Variants in NTRK3 observed in about 807,000 individuals in gnomAD.
The protein encoded by NTRK3 is neurotrophic receptor tyrosine kinase 3.
Under a neutral mutation model 91.7 loss-of-function variants are expected in NTRK3, and 24 were observed. The observed-to-expected ratio is 0.26, with a 90% CI of 0.19 to 0.37. The LOEUF (loss-of-function observed/expected upper bound fraction) is 0.37, where lower values mean the gene tolerates loss of function less well. Among genes scored for constraint, NTRK3 ranks in the 10% least tolerant of loss-of-function variants. The pLI is 1.00. For missense variants in NTRK3, 880 were observed against 1,068.9 expected (o/e 0.82, Z 2.46); for synonymous variants, 483 against 404.0 (o/e 1.20, Z -2.34).
intron 17 of NTRK3, among the ~76,000 whole-genome samples, chr15:87,917,394 T>C (rs1167957987): frequency 1.3e-5 from 2 of 152,228 alleles, no homozygotes; most frequent in Non-Finnish European, 2.9e-5. Context: ...GATGCTATTC[T>C]GCCTGGTCCC....
exon 15 of NTRK3, chr15:87,940,640 T>A (rs2142017557): frequency 6.2e-7 from 1 of 1,613,982 alleles, no homozygotes; most frequent in Non-Finnish European, 8.5e-7. Flanking sequence ...GCCACAAGCA[T>A]CTTGTCCTTG....
intron 14 of NTRK3, among the ~76,000 whole-genome samples, chr15:88,029,410 G>A (rs750232965): frequency 2.9e-4 from 44 of 152,182 alleles, no homozygotes; most frequent in Non-Finnish European, 5.6e-4. Context: ...TAGAAAGTGA[G>A]AAGCAAGGAG....
chr15:88,139,842 G>A (rs1283909663), intron 6 of NTRK3, among the ~76,000 whole-genome samples: 1 of 147,712 alleles, frequency 6.8e-6, no homozygotes, highest in African/African-American at 2.5e-5. Flanking sequence ...GCATTGCTGG[G>A]TGCAAGAGAG....
chr15:88,131,289 G>T (rs924994203), intron 10 of NTRK3, among the ~76,000 whole-genome samples: 1 of 152,140 alleles, frequency 6.6e-6, no homozygotes, highest in Non-Finnish European at 1.5e-5. Flanking sequence ...CACTCATTGC[G>T]GGCCCTCACA....
intron 3 of NTRK3, among the ~76,000 whole-genome samples, chr15:88,232,071 T>C (rs909845993): frequency 3.9e-5 from 6 of 152,176 alleles, no homozygotes; most frequent in East Asian, 1.9e-4. Context: ...TGGCCGCTCA[T>C]GGCCCCTCCA....
At chr15:88,067,511 G>A (rs564341801) in intron 13 of NTRK3, among the ~76,000 whole-genome samples, 25 of 152,158 alleles carry the variant, frequency 1.6e-4, no homozygotes, top group Non-Finnish European at 3.2e-4. Context: ...GCAGTTAAAA[G>A]CACGATGTGA....
chr15:88,061,397 G>A (rs2046201600), intron 13 of NTRK3, among the ~76,000 whole-genome samples: 1 of 152,242 alleles, frequency 6.6e-6, no homozygotes, highest in African/African-American at 2.4e-5. Flanking sequence ...CCAGTGGTCA[G>A]AAGGGACACG....
intron 13 of NTRK3, among the ~76,000 whole-genome samples, chr15:88,117,151 G>C (rs1300827291): frequency 6.6e-6 from 1 of 152,202 alleles, no homozygotes; most frequent in East Asian, 1.9e-4. Context: ...CAGATGTTTA[G>C]AATGTGCAGC....
intron 17 of NTRK3, among the ~76,000 whole-genome samples, chr15:87,911,226 G>T (rs895725335): frequency 3.3e-5 from 5 of 152,130 alleles, no homozygotes; most frequent in African/African-American, 9.7e-5. Context: ...GATATGCAGA[G>T]GGTGAATTTG....
intron 5 of NTRK3, among the ~76,000 whole-genome samples, chr15:88,174,774 C>T (rs1209166898): frequency 6.6e-6 from 1 of 152,220 alleles, no homozygotes; most frequent in Admixed American, 6.5e-5. Context: ...TAAGGCTGCC[C>T]AGCCATTCCC....
At chr15:87,968,793 G>T (rs1426445566) in intron 14 of NTRK3, among the ~76,000 whole-genome samples, 1 of 152,082 alleles carries the variant, frequency 6.6e-6, no homozygotes, top group African/African-American at 2.4e-5. Flanking sequence ...GAGAGCATGT[G>T]AAGCTTGTGA....
chr15:88,228,189 C>T (rs1477160215), intron 3 of NTRK3, among the ~76,000 whole-genome samples: 2 of 152,174 alleles, frequency 1.3e-5, no homozygotes, highest in East Asian at 3.8e-4. Context: ...TCCTGGGCTC[C>T]CCACTGGAAA....
At chr15:87,939,260 T>C (rs1223157131) in intron 15 of NTRK3, among the ~76,000 whole-genome samples, 1 of 152,210 alleles carries the variant, frequency 6.6e-6, no homozygotes, top group African/African-American at 2.4e-5. Flanking sequence ...CTACTTTTTA[T>C]TGAGTCTTTA....
intron 3 of NTRK3, among the ~76,000 whole-genome samples, chr15:88,194,725 A>G (rs192677130): frequency 8.5e-5 from 13 of 152,298 alleles, no homozygotes; most frequent in African/African-American, 3.1e-4. Flanking sequence ...AAAAACCTCT[A>G]GTGGCTTCTC....
chr15:88,037,570 G>T (rs1347312772), intron 13 of NTRK3, among the ~76,000 whole-genome samples: 1 of 152,020 alleles, frequency 6.6e-6, no homozygotes, highest in African/African-American at 2.4e-5. Context: ...TCAAAAGAAA[G>T]AAAGAAAGAA....
At chr15:87,957,061 G>A (rs1377593572) in intron 14 of NTRK3, among the ~76,000 whole-genome samples, 3 of 152,114 alleles carry the variant, frequency 2.0e-5, no homozygotes, top group African/African-American at 7.2e-5. Flanking sequence ...CGTGACCCAT[G>A]GAGCCAGACT....
intron 14 of NTRK3, among the ~76,000 whole-genome samples, chr15:87,981,732 T>C (rs778010026): frequency 1.3e-5 from 2 of 152,190 alleles, no homozygotes; most frequent in African/African-American, 2.4e-5. Flanking sequence ...TGGGCCTGGA[T>C]GGATGTTTCT....
At chr15:88,096,082 A>C (rs2049564463) in intron 13 of NTRK3, among the ~76,000 whole-genome samples, 1 of 152,198 alleles carries the variant, frequency 6.6e-6, no homozygotes, top group Non-Finnish European at 1.5e-5. Context: ...CTCTAAAAGG[A>C]AGCCAAAGTG....
In NTRK3 at chr15:87,980,356, T is replaced by A. The variant is rs1366094886; in HGVS notation, c.1586-39603A>T. Among the ~76,000 whole-genome samples the A allele has an allele frequency of 5.3e-5, 5 of 95,076 alleles. No individual in the cohort carries two copies. In the East Asian group the frequency reaches 2.4e-3, roughly 46 times the overall value. 62.4% of individuals were successfully genotyped at this position (95,076 alleles called of 152,430 possible). On this transcript the variant is annotated intron_variant, in intron 14 of 18. Coordinates refer to ENST00000394480, the Ensembl canonical transcript of NTRK3. Reference sequence around the variant, plus strand: ...TTGCATGTGTGTGTGTTTGCATGTGTACATGTGTTTCCATGTGTGTATCTG... The same window carrying A: ...TTGCATGTGTGTGTGTTTGCATGTGAACATGTGTTTCCATGTGTGTATCTG...
Sources: allele counts gnomAD v4.1 joint callset (sites outside exome capture counted in the v4.1 genomes callset), GRCh38; gene constraint gnomAD v4.1.1; transcripts MANE v1.5; gene names NCBI Gene and HGNC (gene_info 2026-07-23, HGNC 2026-07-21).